The following BTBD9 variants were observed in gnomAD, a reference collection of about 807,000 sequenced individuals.
BTBD9 encodes the protein BTB domain containing 9.
Under a neutral mutation model 64.3 loss-of-function variants are expected in BTBD9, and 49 were observed. The ratio of observed to expected loss-of-function variants is 0.76; its 90% CI spans 0.61 to 0.97. The LOEUF is 0.97. Among genes scored for constraint, BTBD9 ranks in the 50% least tolerant of loss-of-function variants. The probability of loss-of-function intolerance (pLI) is 0.00; values close to 1 mark genes in which losing one functional copy is unlikely to be tolerated. For missense variants in BTBD9, 598 were observed against 762.1 expected (o/e 0.78, Z 2.53); for synonymous variants, 260 against 274.7 (o/e 0.95, Z 0.53).
chr6:38,340,381 A>G (rs1764051493), intron 7 of BTBD9, among the ~76,000 whole-genome samples: 1 of 152,202 alleles, frequency 6.6e-6, no homozygotes, highest in Non-Finnish European at 1.5e-5. Flanking sequence ...ACATCTTGTT[A>G]TGCCAGAAAG....
rs531837081 is a variant in BTBD9 at position 38,589,018 on chromosome 6, T to G, written c.814+3558A>C. 5.9e-5 allele frequency among the ~76,000 whole-genome samples: 9 copies of G among 152,334 alleles called. No homozygotes were observed. The South Asian group carries it at 1.9e-3, about 32-fold the overall frequency. ...CTTCCTTGTATTTATATTATTGATT[T>G]TATTATTCACATGCTTTAAAAGTCA... On this transcript the variant is annotated intron_variant, in intron 4 of 10. Transcript: ENST00000481247.
intron 7 of BTBD9, among the ~76,000 whole-genome samples, chr6:38,301,002 T>C (rs1433729056): frequency 6.6e-6 from 1 of 152,212 alleles, no homozygotes; most frequent in Non-Finnish European, 1.5e-5. Context: ...GGGTTTGTCA[T>C]AGATAGCTCT....
Position 38,288,400 on chromosome 6 carries a change from C to T in BTBD9, c.1326G>A (p.Arg442=). The change falls in exon 8 of 11, where the codon CGG becomes CGA. Residue 442 remains arginine (R), a synonymous_variant. Coordinates refer to ENST00000481247, the MANE Select transcript of BTBD9 (RefSeq NM_001099272.2). ...CCCCATTCAGCAAGGCATTTCGGCT[C>T]CGACTGACTCCTTCAATCACACTGG... ...DCASVIEGVS[R]SRNALLNGDT... The T allele has an allele frequency of 6.2e-7, 1 of 1,614,056 alleles. No homozygotes were observed. Among genetic ancestry groups the T allele is most frequent in the Admixed American group, 1.7e-5 (1 of 60,002 alleles).
chr6:38,369,197 C>G (rs1765315151), intron 6 of BTBD9, among the ~76,000 whole-genome samples: 1 of 152,202 alleles, frequency 6.6e-6, no homozygotes, highest in South Asian at 2.1e-4. Flanking sequence ...ACCTGAAACA[C>G]TCAAATGATA....
intron 8 of BTBD9, among the ~76,000 whole-genome samples, chr6:38,264,572 A>G (rs1764905264): frequency 6.6e-6 from 1 of 152,230 alleles, no homozygotes; most frequent in Non-Finnish European, 1.5e-5. Flanking sequence ...AGCCTGTAAC[A>G]GCTTCCAGAA....
chr6:38,560,789 G>T lies in BTBD9; in HGVS notation c.1154+16811C>A, dbSNP rs144217159. 9.3e-4 allele frequency among the ~76,000 whole-genome samples: 142 copies of T among 152,134 alleles called. 4 individuals are homozygous for T. The East Asian group carries it at 0.024, about 26-fold the overall frequency. On this transcript the variant is annotated intron_variant, in intron 6 of 10. Coordinates refer to ENST00000481247, the MANE Select transcript of BTBD9 (RefSeq NM_001099272.2). The stretch of plus-strand genomic sequence containing the variant: ...ACTGTTCCCCTCTTTGTGTCCATGT[G>T]TTCTCATTATTTAGCTCCCACTTAC...
intron 9 of BTBD9, among the ~76,000 whole-genome samples, chr6:38,237,363 A>G (rs1001321146): frequency 6.6e-6 from 1 of 152,218 alleles, no homozygotes; most frequent in Admixed American, 6.5e-5. Flanking sequence ...GGGCAAAATA[A>G]TTTCTTAAAT....
In BTBD9 at chr6:38,227,672, T is replaced by A. The variant is rs115230969; in HGVS notation, c.1562+28737A>T. Among the ~76,000 whole-genome samples the A allele has an allele frequency of 6.6e-3, 1,001 of 152,282 alleles. 3 individuals are homozygous for A. Among genetic ancestry groups the A allele is most frequent in the Non-Finnish European group, 0.01 (714 of 68,032 alleles). ...TGCATATCTAGAAAGAAACAAGGGA[T>A]CACTTTCCTTTATGTATGCAGCTCT... On this transcript the variant is annotated intron_variant, in intron 9 of 10. Transcript: ENST00000481247.
rs367682861 is a variant in BTBD9 at position 38,232,779 on chromosome 6, G to A, written c.1562+23630C>T. ...CTCCCAAGTAGCTAAGATTACAGGCGTGCATCACTGCGCCTGGCTGAGGCC... is the reference window on the plus strand; with the variant it reads ...CTCCCAAGTAGCTAAGATTACAGGCATGCATCACTGCGCCTGGCTGAGGCC... On this transcript the variant is annotated intron_variant, in intron 9 of 10. Transcript: ENST00000481247. Among the ~76,000 whole-genome samples, 36 of 151,758 alleles carry A rather than the reference G, an allele frequency of 2.4e-4. No homozygotes were observed. The East Asian group carries it at 6.4e-3, about 27-fold the overall frequency.
At chr6:38,480,008 C>T (rs1771063615) in intron 6 of BTBD9, among the ~76,000 whole-genome samples, 1 of 152,190 alleles carries the variant, frequency 6.6e-6, no homozygotes, top group African/African-American at 2.4e-5. Context: ...AGATTACAGG[C>T]ATGAGTCACT....
intron 6 of BTBD9, among the ~76,000 whole-genome samples, chr6:38,469,652 T>C (rs905946087): frequency 6.6e-6 from 1 of 152,216 alleles, no homozygotes; most frequent in Admixed American, 6.5e-5. Flanking sequence ...GTATGATTCA[T>C]GGCATCGTAG....
chr6:38,466,063 T>C (rs1770373451), intron 6 of BTBD9, among the ~76,000 whole-genome samples: 1 of 151,446 alleles, frequency 6.6e-6, no homozygotes, highest in Admixed American at 6.6e-5. Context: ...TCCTCCTGCC[T>C]CAGCCTCCCA....
At chr6:38,618,583 C>CT (rs1777875095) in intron 1 of BTBD9, among the ~76,000 whole-genome samples, 2 of 152,114 alleles carry the variant, frequency 1.3e-5, no homozygotes, top group Admixed American at 6.5e-5. Flanking sequence ...ACAAAACCCC[C>CT]CAGGCTATCG....
chr6:38,548,519 C>T (rs1354993550), intron 6 of BTBD9, among the ~76,000 whole-genome samples: 1 of 151,984 alleles, frequency 6.6e-6, no homozygotes, highest in Admixed American at 6.6e-5. Flanking sequence ...TGAAAATGTG[C>T]CTACAAAGTT....
At chr6:38,548,326 A>G (rs1220608291) in intron 6 of BTBD9, among the ~76,000 whole-genome samples, 1 of 152,232 alleles carries the variant, frequency 6.6e-6, no homozygotes, top group Non-Finnish European at 1.5e-5. Flanking sequence ...GGCATGAAGT[A>G]TGCCATTGGA....
chr6:38,225,178 C>A (rs1384602650), intron 9 of BTBD9, among the ~76,000 whole-genome samples: 3 of 152,246 alleles, frequency 2.0e-5, no homozygotes, highest in African/African-American at 7.2e-5. Flanking sequence ...TTACCTACCT[C>A]ACTCCAGCTA....
chr6:38,461,286 G>A (rs1282586166), intron 6 of BTBD9, among the ~76,000 whole-genome samples: 1 of 152,092 alleles, frequency 6.6e-6, no homozygotes, highest in Non-Finnish European at 1.5e-5. Flanking sequence ...CACCCCAAAA[G>A]TTTCCTTGTG....
chr6:38,441,461 G>C, intron 6 of BTBD9, among the ~76,000 whole-genome samples: 1 of 152,122 alleles, frequency 6.6e-6, no homozygotes, highest in Non-Finnish European at 1.5e-5. Context: ...CCAGTCTGTC[G>C]TCCGGGCTGG....
intron 1 of BTBD9, 81 bp from the exon 2 acceptor site, chr6:38,598,202 T>TA: frequency 9.3e-7 from 1 of 1,077,028 alleles, no homozygotes; most frequent in Non-Finnish European, 1.3e-6. Flanking sequence ...CACAGCTAAG[T>TA]AAAAATTTAA....
Sources: gnomAD v4.1 joint callset for allele counts (sites outside exome capture counted in the v4.1 genomes callset) on GRCh38, gnomAD v4.1.1 for gene constraint, MANE v1.5 for transcripts, NCBI Gene and HGNC (gene_info 2026-07-23, HGNC 2026-07-21) for gene names.